Variants in SGMS1 observed in about 807,000 individuals in gnomAD.
SGMS1 encodes sphingomyelin synthase 1.
A neutral mutation model predicts 46.2 loss-of-function variants in SGMS1; 13 were observed. The observed-to-expected ratio is 0.28, with a 90% confidence interval of 0.18 to 0.45. The LOEUF is 0.45. Among genes scored for constraint, SGMS1 ranks in the 20% least tolerant of loss-of-function variants. The pLI is 1.00. For missense variants in SGMS1, 324 were observed against 519.9 expected (o/e 0.62, Z 3.66); for synonymous variants, 203 against 187.8 (o/e 1.08, Z -0.66).
chr10:50,368,162 A>G (rs547003758), intron 6 of SGMS1, among the ~76,000 whole-genome samples: 84 of 152,316 alleles, frequency 5.5e-4, no homozygotes, highest in African/African-American at 1.6e-3. Context: ...TGACTCTACA[A>G]TTAGTTGTTT....
intron 2 of SGMS1, among the ~76,000 whole-genome samples, chr10:50,560,567 T>G (rs1453115277): frequency 5.5e-5 from 8 of 145,808 alleles, no homozygotes; most frequent in Non-Finnish European, 3.0e-5. Context: ...TTATATGACA[T>G]ATATACATAA....
chr10:50,373,770 A>G (rs1355061952), intron 6 of SGMS1, among the ~76,000 whole-genome samples: 3 of 152,254 alleles, frequency 2.0e-5, no homozygotes. Context: ...TCTAGCACCT[A>G]GAAATACCCA....
chr10:50,360,528 G>A (rs1848229463), intron 6 of SGMS1, among the ~76,000 whole-genome samples: 1 of 152,214 alleles, frequency 6.6e-6, no homozygotes, highest in Non-Finnish European at 1.5e-5. Context: ...AAACTCGGGA[G>A]ATGATCTACT....
At chr10:50,492,725 C>T (rs1270310316) in intron 3 of SGMS1, among the ~76,000 whole-genome samples, 1 of 152,184 alleles carries the variant, frequency 6.6e-6, no homozygotes, top group Non-Finnish European at 1.5e-5. Flanking sequence ...AATGGCCATA[C>T]TGCCCAAACC....
At chr10:50,602,757 G>A (rs1231007823) in intron 1 of SGMS1, among the ~76,000 whole-genome samples, 4 of 152,148 alleles carry the variant, frequency 2.6e-5, no homozygotes, top group African/African-American at 9.7e-5. Flanking sequence ...TTCTCAGTAG[G>A]TTCCTGAACA....
At chr10:50,587,848 C>T (rs1290892452) in intron 2 of SGMS1, among the ~76,000 whole-genome samples, 1 of 152,102 alleles carries the variant, frequency 6.6e-6, no homozygotes, top group East Asian at 1.9e-4. Context: ...GTTAGTCATG[C>T]TCTGTTTCTT....
chr10:50,389,020 T>C (rs537702190), intron 6 of SGMS1, among the ~76,000 whole-genome samples: 31 of 152,306 alleles, frequency 2.0e-4, no homozygotes, highest in African/African-American at 7.2e-4. Flanking sequence ...AAAACAAAAA[T>C]TGAGTAACAT....
chr10:50,431,167 A>T (rs1247067682), intron 6 of SGMS1, among the ~76,000 whole-genome samples: 1 of 152,200 alleles, frequency 6.6e-6, no homozygotes, highest in Non-Finnish European at 1.5e-5. Flanking sequence ...GCCAAAGGTA[A>T]TTATTTCATA....
chr10:50,588,042 AC>A (rs1259094885), intron 2 of SGMS1, among the ~76,000 whole-genome samples: 3 of 150,356 alleles, frequency 2.0e-5, no homozygotes, highest in Non-Finnish European at 4.4e-5. Flanking sequence ...ATCCTTCAAA[AC>A]CCCCTTTGCC....
chr10:50,416,447 C>G (rs1307652355), intron 6 of SGMS1, among the ~76,000 whole-genome samples: 1 of 152,162 alleles, frequency 6.6e-6, no homozygotes, highest in East Asian at 1.9e-4. Context: ...CTTAAATATT[C>G]AGCTTTTATA....
At chr10:50,584,498 CAAAAAAAAAA>C (rs751224205) in intron 2 of SGMS1, among the ~76,000 whole-genome samples, 5 of 69,558 alleles carry the variant, frequency 7.2e-5, no homozygotes, top group Non-Finnish European at 1.4e-4. Context: ...GACTCCATCT[CAAAAAAAAAA>C]AAAAAAAAAA....
chr10:50,365,489 A>C (rs745688423), intron 6 of SGMS1, among the ~76,000 whole-genome samples: 2 of 152,112 alleles, frequency 1.3e-5, no homozygotes, highest in Non-Finnish European at 2.9e-5. Context: ...GTAAGTATAC[A>C]TGTGCCATGG....
chr10:50,484,896 C>T (rs1217053508), intron 3 of SGMS1, among the ~76,000 whole-genome samples: 2 of 152,100 alleles, frequency 1.3e-5, no homozygotes, highest in East Asian at 3.9e-4. Flanking sequence ...GAACATACCT[C>T]AAAATAATAA....
At chr10:50,348,249 G>A (rs1847947202) in intron 6 of SGMS1, among the ~76,000 whole-genome samples, 2 of 152,134 alleles carry the variant, frequency 1.3e-5, no homozygotes, top group African/African-American at 4.8e-5. Flanking sequence ...TTGAAAACTG[G>A]CATAAGACAA....
intron 1 of SGMS1, among the ~76,000 whole-genome samples, chr10:50,619,009 C>T (rs1192685435): frequency 6.6e-6 from 1 of 151,996 alleles, no homozygotes; most frequent in Non-Finnish European, 1.5e-5. Context: ...AGAAAATGCA[C>T]ACAGACCCAG....
intron 1 of SGMS1, among the ~76,000 whole-genome samples, chr10:50,591,227 C>T (rs181880031): frequency 6.6e-5 from 10 of 152,130 alleles, no homozygotes; most frequent in East Asian, 1.9e-4. Context: ...GGCAGCTAAG[C>T]GTCAGAGATG....
At chr10:50,406,745 C>A (rs1849021599) in intron 6 of SGMS1, among the ~76,000 whole-genome samples, 1 of 149,698 alleles carries the variant, frequency 6.7e-6, no homozygotes, top group South Asian at 2.1e-4. Context: ...TCCTCTATCA[C>A]CCAGGCTGGA....
intron 6 of SGMS1, among the ~76,000 whole-genome samples, chr10:50,425,647 C>A (rs1054866316): frequency 2.0e-5 from 3 of 152,120 alleles, no homozygotes; most frequent in Non-Finnish European, 4.4e-5. Flanking sequence ...GTACTATGCT[C>A]GCTACCTGGA....
chr10:50,419,417 T>A (rs1359633810), intron 6 of SGMS1, among the ~76,000 whole-genome samples: 1 of 152,164 alleles, frequency 6.6e-6, no homozygotes, highest in Non-Finnish European at 1.5e-5. Flanking sequence ...ATTTAAGTGG[T>A]GAGAAACTTA....
Sources: gnomAD v4.1 joint callset for allele counts (sites outside exome capture counted in the v4.1 genomes callset) on GRCh38, gnomAD v4.1.1 for gene constraint, MANE v1.5 for transcripts, NCBI Gene and HGNC (gene_info 2026-07-23, HGNC 2026-07-21) for gene names.